Variants in ALK observed in about 807,000 individuals in gnomAD.
The protein encoded by ALK is ALK receptor tyrosine kinase.
Under a neutral mutation model 163.1 loss-of-function variants are expected in ALK, and 74 were observed. The observed-to-expected ratio is 0.45, with a 90% CI of 0.38 to 0.55. The LOEUF (loss-of-function observed/expected upper bound fraction) is 0.55, where lower values mean the gene tolerates loss of function less well. ALK is among the 20% of genes least tolerant of loss of function. The pLI is 0.00. For missense variants in ALK, 2,063 were observed against 2,105.3 expected (o/e 0.98, Z 0.39); for synonymous variants, 960 against 843.2 (o/e 1.14, Z -2.40).
intron 13 of ALK, among the ~76,000 whole-genome samples, chr2:29,237,545 C>T (rs1201632780): frequency 1.3e-5 from 2 of 152,164 alleles, no homozygotes; most frequent in African/African-American, 2.4e-5. Context: ...ATTTCCCCCT[C>T]CCTCTCCTCA....
At chr2:29,676,238 T>C (rs564308654) in intron 3 of ALK, among the ~76,000 whole-genome samples, 53 of 152,200 alleles carry the variant, frequency 3.5e-4, no homozygotes, top group Non-Finnish European at 6.9e-4. Context: ...GCATTGATTG[T>C]GATTTTAGCA....
At chr2:29,324,548 T>C (rs1667189833) in intron 6 of ALK, among the ~76,000 whole-genome samples, 1 of 152,200 alleles carries the variant, frequency 6.6e-6, no homozygotes, top group Non-Finnish European at 1.5e-5. Context: ...AAACACTGTT[T>C]TTGCCTGGCA....
intron 24 of ALK, among the ~76,000 whole-genome samples, chr2:29,210,321 T>C (rs1310350803): frequency 2.6e-5 from 4 of 152,184 alleles, no homozygotes; most frequent in African/African-American, 7.2e-5. Context: ...CTTAGGCAGA[T>C]TTGGTACAAA....
chr2:29,906,299 T>C (rs1667548430), intron 1 of ALK, among the ~76,000 whole-genome samples: 1 of 152,210 alleles, frequency 6.6e-6, no homozygotes, highest in African/African-American at 2.4e-5. Context: ...CCCTCACCAT[T>C]CTATAAATCC....
chr2:29,406,320 C>A (rs1669583647), intron 4 of ALK, among the ~76,000 whole-genome samples: 1 of 152,140 alleles, frequency 6.6e-6, no homozygotes, highest in Admixed American at 6.5e-5. Context: ...TCTCCCAAAT[C>A]CCTCCCTCAC....
chr2:29,372,048 A>T (rs1201214559), intron 5 of ALK, among the ~76,000 whole-genome samples: 1 of 152,202 alleles, frequency 6.6e-6, no homozygotes, highest in African/African-American at 2.4e-5. Context: ...AGTTTAAATT[A>T]AAAAATATTC....
chr2:29,705,407 T>C (rs560993945), intron 2 of ALK, among the ~76,000 whole-genome samples: 1 of 151,362 alleles, frequency 6.6e-6, no homozygotes, highest in Non-Finnish European at 1.5e-5. Context: ...GACACAGCAC[T>C]GTGTCTTCCT....
At position 29,227,114 on chromosome 2, in the gene ALK, G is replaced by T; in HGVS notation, c.2915-40C>A. The T allele has an allele frequency of 6.2e-7, 1 of 1,613,786 alleles. No homozygotes were observed. The highest frequency in any genetic ancestry group is 8.5e-7 in the Non-Finnish European group (1 of 1,179,916). ...GGAGGGTCAGTCTTGGGCCGAGCCT[G>T]CCTCCCCACTCCCAGCCTCAGTACT... On this transcript the variant is annotated intron_variant, in intron 17 of 28. Transcript: ENST00000389048. This position sits in a 1 kb window ranked among gnomAD's most constrained non-coding sequence, Gnocchi z 4.4.
intron 5 of ALK, among the ~76,000 whole-genome samples, chr2:29,356,553 C>T (rs576461414): frequency 3.9e-5 from 6 of 152,152 alleles, no homozygotes; most frequent in South Asian, 2.1e-4. Flanking sequence ...TACCCTTCTC[C>T]GCACTTTGCT....
At chr2:29,393,520 A>G (rs1669230178) in intron 4 of ALK, among the ~76,000 whole-genome samples, 1 of 152,188 alleles carries the variant, frequency 6.6e-6, no homozygotes, top group Non-Finnish European at 1.5e-5. Context: ...CAGGCTTGCT[A>G]GGTTTCCCCC....
intron 11 of ALK, among the ~76,000 whole-genome samples, chr2:29,270,800 A>C (rs74419707): frequency 6.6e-6 from 1 of 152,126 alleles, no homozygotes; most frequent in Non-Finnish European, 1.5e-5. Flanking sequence ...TGCCATTAAC[A>C]CAAGAGTCTA....
At chr2:29,857,449 T>C (rs1666171211) in intron 1 of ALK, among the ~76,000 whole-genome samples, 1 of 152,158 alleles carries the variant, frequency 6.6e-6, no homozygotes, top group African/African-American at 2.4e-5. Flanking sequence ...CAGCTTTGAC[T>C]GTGGCATATA....
intron 3 of ALK, among the ~76,000 whole-genome samples, chr2:29,689,681 C>G (rs1385066953): frequency 2.0e-5 from 3 of 152,180 alleles, no homozygotes; most frequent in African/African-American, 4.8e-5. Context: ...TGTCCAAATC[C>G]TAACCCCTGT....
At chr2:29,329,442 C>A (rs1462967831) in intron 5 of ALK, among the ~76,000 whole-genome samples, 1 of 152,166 alleles carries the variant, frequency 6.6e-6, no homozygotes, top group Admixed American at 6.5e-5. Context: ...AGACTCTGGC[C>A]CCTGTGGAGA....
intron 3 of ALK, among the ~76,000 whole-genome samples, chr2:29,576,986 G>T (rs1200969817): frequency 6.6e-6 from 1 of 152,062 alleles, no homozygotes; most frequent in African/African-American, 2.4e-5. Context: ...GAAATAAAAT[G>T]CACAATAATT....
chr2:29,197,750 C>A, intron 26 of ALK, 74 bp from the exon 27 acceptor site: 1 of 1,255,356 alleles, frequency 8.0e-7, no homozygotes, highest in Non-Finnish European at 1.2e-6. Context: ...CACAGGCACA[C>A]AGACATACAA....
rs140653490 is a variant in ALK at position 29,197,493 on chromosome 2, A to G, written c.4073+49T>C. On this transcript the variant is annotated intron_variant, in intron 27 of 28. Transcript: ENST00000389048. ...TATGTGGCTCTGGATATTTTTTGAA[A>G]AGAAAAACTGCTTAGTAACTAGCAG... 3.4e-5 allele frequency: 55 copies of G among 1,606,696 alleles called. No individual in the cohort carries two copies. The African/African-American group carries it at 7.1e-4, about 21-fold the overall frequency.
chr2:29,669,011 G>T (rs1284471567), intron 3 of ALK, among the ~76,000 whole-genome samples: 2 of 151,992 alleles, frequency 1.3e-5, no homozygotes, highest in Non-Finnish European at 2.9e-5. Flanking sequence ...TGACACATGG[G>T]AATTATGGGA....
At chr2:29,199,887 G>A (rs1669114769) in intron 26 of ALK, among the ~76,000 whole-genome samples, 1 of 152,086 alleles carries the variant, frequency 6.6e-6, no homozygotes, top group South Asian at 2.1e-4. Flanking sequence ...AAATTGTAGA[G>A]AACAATAGTT....
Sources: gnomAD v4.1 joint callset for allele counts (sites outside exome capture counted in the v4.1 genomes callset) on GRCh38, gnomAD v4.1.1 for gene constraint, Gnocchi (gnomAD v3.1) non-coding constraint, MANE v1.5 for transcripts, NCBI Gene and HGNC (gene_info 2026-07-23, HGNC 2026-07-21) for gene names.